Variants in MRAP2 observed in about 807,000 individuals in gnomAD.
MRAP2 encodes melanocortin-2 receptor accessory protein 2.
Under a neutral mutation model 17.4 loss-of-function variants are expected in MRAP2, and 20 were observed. The observed-to-expected ratio is 1.15, with a 90% confidence interval of 0.81 to 1.67. The LOEUF is 1.67. MRAP2 is among the 40% of genes most tolerant of loss of function. The probability of loss-of-function intolerance (pLI) is 0.00; values close to 1 mark genes in which losing one functional copy is unlikely to be tolerated. For synonymous variants in MRAP2, 96 were observed against 88.4 expected (o/e 1.09, Z -0.48); for missense variants, 238 against 240.0 (o/e 0.99, Z 0.05).
the MRAP2 span, among the ~76,000 whole-genome samples, chr6:84,141,946 CT>C: frequency 1.3e-5 from 2 of 152,120 alleles, no homozygotes; most frequent in East Asian, 3.8e-4. Flanking sequence ...CCTAAAATGC[CT>C]TCTTGGAGAA....
chr6:84,040,432 C>T (rs569831475), intron 1 of MRAP2, among the ~76,000 whole-genome samples: 27 of 152,188 alleles, frequency 1.8e-4, no homozygotes, highest in African/African-American at 6.3e-4. Flanking sequence ...AATGTGGAAG[C>T]GACTTTGGAA....
Position 84,044,858 on chromosome 6 carries a change from G to T in MRAP2, c.-7-10454G>T, listed in dbSNP as rs142654944. ...GTAGTACAGTCGGGGCTCCACACCCGTGGGTTCCACATCCATGGATTTAGC... is the reference window on the plus strand; with the variant it reads ...GTAGTACAGTCGGGGCTCCACACCCTTGGGTTCCACATCCATGGATTTAGC... On this transcript the variant is annotated intron_variant, in intron 1 of 3. Transcript: ENST00000257776. Among the ~76,000 whole-genome samples the T allele has an allele frequency of 3.1e-3, 466 of 152,324 alleles. 9 individuals are homozygous for T. Among genetic ancestry groups the T allele is most frequent in the East Asian group, 9.7e-4 (5 of 5,178 alleles).
At chr6:84,113,636 G>C in the MRAP2 span, among the ~76,000 whole-genome samples, 9 of 152,220 alleles carry the variant, frequency 5.9e-5, no homozygotes, top group African/African-American at 2.2e-4. Context: ...TATGATCCTA[G>C]CTGGTTATTT....
chr6:84,075,482 ATT>A (rs1402004140), intron 3 of MRAP2, among the ~76,000 whole-genome samples: 1 of 151,988 alleles, frequency 6.6e-6, no homozygotes, highest in African/African-American at 2.4e-5. Context: ...TCTTTTCTGG[ATT>A]TTTTAAGGAC....
intron 3 of MRAP2, among the ~76,000 whole-genome samples, chr6:84,080,021 GT>G (rs35507269): frequency 7.4e-5 from 11 of 148,562 alleles, no homozygotes; most frequent in South Asian, 4.3e-4. Flanking sequence ...TATTGCCAGG[GT>G]TTTTTTTTTG....
chr6:84,089,802 C>A lies in MRAP2; in HGVS notation c.*321C>A. 1.7e-5 allele frequency: 4 copies of A among 235,412 alleles called. No homozygotes were observed. The highest frequency in any genetic ancestry group is 3.2e-5 in the Non-Finnish European group (4 of 126,262). The allele number at this position is 235,412 out of a possible 1,614,324, so 14.6% of individuals were successfully genotyped here. On this transcript the variant is annotated 3_prime_UTR_variant, in exon 4 of 4. Coordinates refer to ENST00000257776, the MANE Select transcript of MRAP2 (RefSeq NM_138409.4). ...ATACAAATTTTAAACTTTATTAAAA[C>A]ATGAGTTTTGTTTTTTTTTTTGCTA...
At chr6:84,130,435 C>T in the MRAP2 span, among the ~76,000 whole-genome samples, 2 of 152,168 alleles carry the variant, frequency 1.3e-5, no homozygotes, top group African/African-American at 2.4e-5. Flanking sequence ...AGGATTGGTA[C>T]CAGCTCCTCT....
intron 1 of MRAP2, among the ~76,000 whole-genome samples, chr6:84,051,135 A>G (rs2099490300): frequency 1.3e-5 from 2 of 152,250 alleles, no homozygotes; most frequent in South Asian, 2.1e-4. Flanking sequence ...CCCCCTTAAC[A>G]TGCATACCAT....
At chr6:84,036,517 G>C (rs538486659) in intron 1 of MRAP2, among the ~76,000 whole-genome samples, 3 of 152,124 alleles carry the variant, frequency 2.0e-5, no homozygotes, top group African/African-American at 7.2e-5. Context: ...CCTTCTGGTG[G>C]GTTTGTGGTC....
chr6:84,075,582 C>T (rs1294696575), intron 3 of MRAP2, among the ~76,000 whole-genome samples: 1 of 152,144 alleles, frequency 6.6e-6, no homozygotes, highest in Non-Finnish European at 1.5e-5. Flanking sequence ...ATTATGGCCC[C>T]ATTATCATAA....
chr6:84,108,544 AT>A, the MRAP2 span, among the ~76,000 whole-genome samples: 5 of 151,606 alleles, frequency 3.3e-5, no homozygotes, highest in African/African-American at 1.2e-4. Flanking sequence ...TTTTTTCTAA[AT>A]TTGTTTAAGT....
intron 3 of MRAP2, among the ~76,000 whole-genome samples, chr6:84,085,490 T>C (rs976102585): frequency 5.3e-5 from 8 of 152,192 alleles, no homozygotes; most frequent in African/African-American, 1.9e-4. Flanking sequence ...TAGACTGGTG[T>C]CTTACACAGT....
chr6:84,055,856 C>T (rs2099491585), intron 2 of MRAP2, among the ~76,000 whole-genome samples: 1 of 152,168 alleles, frequency 6.6e-6, no homozygotes. Context: ...CAGTTGGTTT[C>T]CTGGAGCTGT....
chr6:84,114,248 C>G, the MRAP2 span, among the ~76,000 whole-genome samples: 2 of 152,028 alleles, frequency 1.3e-5, no homozygotes, highest in Non-Finnish European at 2.9e-5. Flanking sequence ...TCACATAGTC[C>G]CATATTTCTT....
At chr6:84,084,049 G>A (rs2099499671) in intron 3 of MRAP2, among the ~76,000 whole-genome samples, 2 of 152,056 alleles carry the variant, frequency 1.3e-5, no homozygotes, top group Admixed American at 1.3e-4. Context: ...TTTGGATAAG[G>A]AAATTTTCAT....
chr6:84,036,680 A>G (rs1397743087), intron 1 of MRAP2, among the ~76,000 whole-genome samples: 1 of 152,112 alleles, frequency 6.6e-6, no homozygotes, highest in African/African-American at 2.4e-5. Context: ...TGAGCGCCTT[A>G]CCACTGCTGG....
intron 1 of MRAP2, among the ~76,000 whole-genome samples, chr6:84,034,368 A>G (rs946290109): frequency 1.3e-5 from 2 of 152,074 alleles, no homozygotes; most frequent in Non-Finnish European, 2.9e-5. Context: ...TTCTCAGATG[A>G]TGCCTGGCTT....
At chr6:84,033,246 G>A (rs1288289685), upstream of MRAP2, among the ~76,000 whole-genome samples, 1 of 152,214 alleles carries the variant, frequency 6.6e-6, no homozygotes, top group East Asian at 1.9e-4. Flanking sequence ...GGGAGGAAGA[G>A]ATGAGCCAGC....
rs543953434 is a variant in MRAP2, at chr6:84,048,815, A to G, written c.-7-6497A>G. Among the ~76,000 whole-genome samples, 3 of 152,300 alleles carry G rather than the reference A, an allele frequency of 2.0e-5. No individual in the cohort carries two copies. In the East Asian group the frequency reaches 5.8e-4, roughly 29 times the overall value. On this transcript the variant is annotated intron_variant, in intron 1 of 3. Coordinates refer to ENST00000257776, the MANE Select transcript of MRAP2 (RefSeq NM_138409.4). The stretch of plus-strand genomic sequence containing the variant: ...AACATGTGCTGTGGTCAGCTTGGCC[A>G]TTGTTTTCCTAATTCAACAAATGGA...
Sources: gnomAD v4.1 joint callset for allele counts (sites outside exome capture counted in the v4.1 genomes callset) on GRCh38, gnomAD v4.1.1 for gene constraint, MANE v1.5 for transcripts, NCBI Gene and HGNC (gene_info 2026-07-23, HGNC 2026-07-21) for gene names.